Variants in JAKMIP1 observed in about 807,000 individuals in gnomAD.
JAKMIP1 encodes janus kinase and microtubule-interacting protein 1.
JAKMIP1 carries 33 observed loss-of-function variants against 113.0 expected under a neutral mutation model. The ratio of observed to expected loss-of-function variants is 0.29; its 90% confidence interval spans 0.22 to 0.39. The LOEUF is 0.39. Among genes scored for constraint, JAKMIP1 ranks in the 10% least tolerant of loss-of-function variants. The pLI is 1.00. For synonymous variants in JAKMIP1, 480 were observed against 459.9 expected (o/e 1.04, Z -0.56); for missense variants, 813 against 1,080.5 (o/e 0.75, Z 3.47).
At chr4:6,048,690 T>C (rs1715288985) in intron 16 of JAKMIP1, among the ~76,000 whole-genome samples, 167 bp downstream of exon 16, 1 of 152,244 alleles carries the variant, frequency 6.6e-6, no homozygotes. Context: ...AGTGAGCATG[T>C]GGGACTTCCG....
chr4:6,074,972 T>C (rs949063357), intron 8 of JAKMIP1, among the ~76,000 whole-genome samples: 2 of 152,206 alleles, frequency 1.3e-5, no homozygotes, highest in African/African-American at 2.4e-5. Context: ...TACTTCATGA[T>C]GTTTGCATGA....
chr4:6,182,011 G>C (rs1029139156), intron 1 of JAKMIP1, among the ~76,000 whole-genome samples: 1 of 152,148 alleles, frequency 6.6e-6, no homozygotes, highest in Non-Finnish European at 1.5e-5. Context: ...AAGGGACAGT[G>C]TTATGGAGTG....
chr4:6,132,121 AT>A (rs1389308970), intron 1 of JAKMIP1, among the ~76,000 whole-genome samples: 1 of 152,212 alleles, frequency 6.6e-6, no homozygotes, highest in Non-Finnish European at 1.5e-5. Flanking sequence ...CAACAGTGTA[AT>A]TGATGGGTAC....
Position 6,051,990 on chromosome 4 carries a change from A to G in JAKMIP1, c.1807-1311T>C, listed in dbSNP as rs1715713931. 6.6e-6 allele frequency among the ~76,000 whole-genome samples: 1 copy of G among 152,330 alleles called. No homozygotes were observed. Among genetic ancestry groups the G allele is most frequent in the African/African-American group, 2.4e-5 (1 of 41,574 alleles). ...GGCCATTCTAGCAGAATCTAGCTAC[A>G]GAACCAATGGGCTTCTTGAATAATT... On this transcript the variant is annotated intron_variant, in intron 13 of 20. Coordinates refer to ENST00000409021, the MANE Select transcript of JAKMIP1 (RefSeq NM_001099433.2). The surrounding 1 kb of genome is among the most constrained non-coding windows in gnomAD (Gnocchi z 5.0).
intron 16 of JAKMIP1, among the ~76,000 whole-genome samples, chr4:6,047,086 G>A (rs1203208051): frequency 3.3e-5 from 5 of 152,220 alleles, no homozygotes; most frequent in South Asian, 2.1e-4. Context: ...CCTGGATTCC[G>A]ACAGACACTG....
intron 8 of JAKMIP1, among the ~76,000 whole-genome samples, chr4:6,071,140 T>A (rs572233519): frequency 3.3e-5 from 5 of 152,362 alleles, no homozygotes; most frequent in East Asian, 3.9e-4. Flanking sequence ...TTCCATCAGA[T>A]GAACTGTGTG....
At chr4:6,170,690 C>CAATCA (rs1724474146) in intron 1 of JAKMIP1, among the ~76,000 whole-genome samples, 1 of 150,964 alleles carries the variant, frequency 6.6e-6, no homozygotes, top group Non-Finnish European at 1.5e-5. Flanking sequence ...TCCACTGTCA[C>CAATCA]CCTCCTTAAC....
chr4:6,169,603 T>TTGTGTGTGTG (rs71173413), intron 1 of JAKMIP1, among the ~76,000 whole-genome samples: 37 of 137,376 alleles, frequency 2.7e-4, no homozygotes, highest in Middle Eastern at 3.5e-3. Flanking sequence ...CCCTAGGAAA[T>TTGTGTGTGTG]TGTGTGTGTG....
intron 11 of JAKMIP1, among the ~76,000 whole-genome samples, chr4:6,058,883 G>T (rs1043577340): frequency 4.3e-4 from 65 of 152,208 alleles, no homozygotes; most frequent in African/African-American, 1.5e-3. Flanking sequence ...CTGGAAGAGG[G>T]AAACTGAGGC....
At position 6,138,751 on chromosome 4, in the gene JAKMIP1, C is replaced by T. The variant is rs942101361; in HGVS notation, c.-147-25754G>A. ...AGAATGGGTACGAATCTTGACTCTA[C>T]CACTTGTTAGCTGTTTGTCCTGGGG... On this transcript the variant is annotated intron_variant, in intron 1 of 20. Transcript: ENST00000409021. The surrounding 1 kb of genome is among the most constrained non-coding windows in gnomAD (Gnocchi z 6.0). Among the ~76,000 whole-genome samples the T allele has an allele frequency of 6.6e-6, 1 of 152,122 alleles. No individual in the cohort carries two copies. Among genetic ancestry groups the T allele is most frequent in the Admixed American group, 6.5e-5 (1 of 15,270 alleles).
At chr4:6,133,998 T>C (rs1468555614) in intron 1 of JAKMIP1, among the ~76,000 whole-genome samples, 1 of 152,188 alleles carries the variant, frequency 6.6e-6, no homozygotes, top group Non-Finnish European at 1.5e-5. Context: ...TGGACTGATA[T>C]GGTTAGGCTT....
Position 6,036,647 on chromosome 4 carries a change from G to T in JAKMIP1, c.2176-540C>A, listed in dbSNP as rs528721358. 3.3e-5 allele frequency among the ~76,000 whole-genome samples: 5 copies of T among 152,326 alleles called. No individual in the cohort carries two copies. In the South Asian group the frequency reaches 1.0e-3, roughly 32 times the overall value. The stretch of plus-strand genomic sequence containing the variant: ...GCCACCCTTTTTGGCAAAGCTGAAT[G>T]AGGCATTAGTGACCAACTGGGGATC... On this transcript the variant is annotated intron_variant, in intron 18 of 20. Coordinates refer to ENST00000409021, the MANE Select transcript of JAKMIP1 (RefSeq NM_001099433.2).
rs1722296116 is a variant in JAKMIP1 at position 6,156,872 on chromosome 4, C to G, written c.-148+43381G>C. On this transcript the variant is annotated intron_variant, in intron 1 of 20. Coordinates refer to ENST00000409021, the MANE Select transcript of JAKMIP1 (RefSeq NM_001099433.2). This position sits in a 1 kb window ranked among gnomAD's most constrained non-coding sequence, Gnocchi z 5.0. ...GTCACGTTACAATTGTTCAGTAGAC[C>G]CACACCCCATTGGCCAACAGCCACA... Among the ~76,000 whole-genome samples the G allele has an allele frequency of 6.6e-6, 1 of 152,172 alleles. No individual in the cohort carries two copies. Among genetic ancestry groups the G allele is most frequent in the East Asian group, 1.9e-4 (1 of 5,194 alleles).
In JAKMIP1 at chr4:6,093,283, C is replaced by T. The variant is rs1436568049; in HGVS notation, c.625-7654G>A. ...GTCCTGCTCACACTAGAATAATCTG[C>T]TCACACTCCAGTTAACTGTAAGCGC... On this transcript the variant is annotated intron_variant, in intron 3 of 20. Coordinates refer to ENST00000409021, the MANE Select transcript of JAKMIP1 (RefSeq NM_001099433.2). The surrounding 1 kb of genome is among the most constrained non-coding windows in gnomAD (Gnocchi z 4.6). Among the ~76,000 whole-genome samples the T allele has an allele frequency of 6.6e-6, 1 of 152,188 alleles. No homozygotes were observed. The highest frequency in any genetic ancestry group is 1.5e-5 in the Non-Finnish European group (1 of 68,050).
At position 6,193,095 on chromosome 4, in the gene JAKMIP1, C is replaced by A. The variant is rs2109063270; in HGVS notation, c.-148+7158G>T. Among the ~76,000 whole-genome samples the A allele has an allele frequency of 1.3e-5, 2 of 152,276 alleles. No individual in the cohort carries two copies. The highest frequency in any genetic ancestry group is 4.8e-5 in the African/African-American group (2 of 41,560). The stretch of plus-strand genomic sequence containing the variant: ...AAGCAGGCAGGAGAAGATGGAAGAG[C>A]AAACTTGCTGAGTCTTCTGGCCCCA... On this transcript the variant is annotated intron_variant, in intron 1 of 20. Transcript: ENST00000409021. The surrounding 1 kb of genome is among the most constrained non-coding windows in gnomAD (Gnocchi z 6.4).
chr4:6,062,824 C>T (rs1717498657), intron 9 of JAKMIP1, among the ~76,000 whole-genome samples: 1 of 152,230 alleles, frequency 6.6e-6, no homozygotes, highest in Non-Finnish European at 1.5e-5. Context: ...TGTCCCCTCC[C>T]ACTGAGCACC....
chr4:6,027,890 T>G (rs1324099302), intron 20 of JAKMIP1, among the ~76,000 whole-genome samples: 1 of 152,250 alleles, frequency 6.6e-6, no homozygotes, highest in East Asian at 1.9e-4. Context: ...CATATCTGGC[T>G]CTGTGACTCA....
chr4:6,107,739 C>A (rs756921399), intron 2 of JAKMIP1, among the ~76,000 whole-genome samples: 8 of 150,700 alleles, frequency 5.3e-5, no homozygotes, highest in Middle Eastern at 3.4e-3. Context: ...TAACGAATAA[C>A]CTCTCACTCT....
chr4:6,125,102 G>C (rs1717220636), intron 1 of JAKMIP1, among the ~76,000 whole-genome samples: 1 of 152,176 alleles, frequency 6.6e-6, no homozygotes, highest in Non-Finnish European at 1.5e-5. Context: ...ACAGCACCCA[G>C]CCCATGTGAT....
Sources: gnomAD v4.1 joint callset for allele counts (sites outside exome capture counted in the v4.1 genomes callset) on GRCh38, gnomAD v4.1.1 for gene constraint, Gnocchi (gnomAD v3.1) non-coding constraint, MANE v1.5 for transcripts, NCBI Gene and HGNC (gene_info 2026-07-23, HGNC 2026-07-21) for gene names.